SDK1: variants seen among roughly 807,000 people sequenced by gnomAD.
SDK1 encodes sidekick cell adhesion molecule 1.
SDK1 carries 157 observed loss-of-function variants against 245.5 expected under a neutral mutation model. The observed-to-expected ratio is 0.64, with a 90% CI of 0.56 to 0.73. The LOEUF is 0.73. SDK1 is among the 30% of genes least tolerant of loss of function. The pLI is 0.00. For missense variants in SDK1, 3,583 were observed against 3,002.3 expected (o/e 1.19, Z -4.52); for synonymous variants, 1,647 against 1,278.5 (o/e 1.29, Z -6.15).
intron 25 of SDK1, among the ~76,000 whole-genome samples, chr7:4,123,150 G>C (rs1784176194): frequency 1.3e-5 from 2 of 152,186 alleles, no homozygotes. Flanking sequence ...GGCACTCACA[G>C]TTTCCCACAG....
At chr7:3,787,009 G>C (rs1296931453) in intron 4 of SDK1, among the ~76,000 whole-genome samples, 1 of 152,112 alleles carries the variant, frequency 6.6e-6, no homozygotes, top group Non-Finnish European at 1.5e-5. Flanking sequence ...AGAATTGATA[G>C]ACATCTTTCC....
chr7:3,305,213 G>A (rs1038117223), intron 1 of SDK1, among the ~76,000 whole-genome samples: 8 of 152,148 alleles, frequency 5.3e-5, no homozygotes, highest in African/African-American at 1.7e-4. Context: ...GGTGTACATC[G>A]GAATCACTGG....
chr7:4,231,808 A>G (rs1339334219), intron 40 of SDK1, among the ~76,000 whole-genome samples: 1 of 152,200 alleles, frequency 6.6e-6, no homozygotes, highest in Admixed American at 6.5e-5. Flanking sequence ...CTGCCTATTT[A>G]CTGTTGGGCT....
intron 8 of SDK1, among the ~76,000 whole-genome samples, chr7:3,959,924 A>G (rs1781546335): frequency 6.6e-6 from 1 of 152,118 alleles, no homozygotes; most frequent in Non-Finnish European, 1.5e-5. Context: ...ACAGGTGATT[A>G]CACAAAACCT....
At position 3,814,551 on chromosome 7, in the gene SDK1, C is replaced by T. The variant is rs921494483; in HGVS notation, c.714-6899C>T. Among the ~76,000 whole-genome samples, 173 of 151,804 alleles carry T rather than the reference C, an allele frequency of 1.1e-3. 1 individual carries two copies. The highest frequency in any genetic ancestry group is 3.9e-3 in the African/African-American group (161 of 41,356). ...TAGTTTGAAGTCAGGTAGTGTGATG[C>T]CTCCAGCTTTGTTCTTTTGGCTTAG... is the stretch of plus-strand genomic sequence containing the variant. On this transcript the variant is annotated intron_variant, in intron 4 of 44. Transcript: ENST00000404826.
intron 4 of SDK1, among the ~76,000 whole-genome samples, chr7:3,725,201 C>T (rs1339443476): frequency 1.3e-5 from 2 of 152,288 alleles, no homozygotes; most frequent in Admixed American, 1.3e-4. Context: ...AATCTGCCCT[C>T]ATTTGTACTA....
At chr7:3,347,891 T>C (rs945804795) in intron 1 of SDK1, among the ~76,000 whole-genome samples, 5 of 94,342 alleles carry the variant, frequency 5.3e-5, no homozygotes, top group African/African-American at 1.9e-4. Flanking sequence ...ACATTAAATA[T>C]GTTTTTTTTT....
chr7:3,738,175 T>C (rs928110529), intron 4 of SDK1, among the ~76,000 whole-genome samples: 5 of 152,240 alleles, frequency 3.3e-5, no homozygotes, highest in African/African-American at 1.2e-4. Context: ...GTGCTTTCAA[T>C]TTTAGGTCTT....
At chr7:3,996,533 A>G (rs1310129958) in intron 14 of SDK1, among the ~76,000 whole-genome samples, 3 of 152,106 alleles carry the variant, frequency 2.0e-5, no homozygotes, top group African/African-American at 7.2e-5. Flanking sequence ...CTGTTTAGTG[A>G]GGTTTGCAAG....
At chr7:4,094,713 C>T (rs908289529) in intron 22 of SDK1, among the ~76,000 whole-genome samples, 7 of 152,192 alleles carry the variant, frequency 4.6e-5, no homozygotes, top group Non-Finnish European at 1.0e-4. Context: ...CCATTGACAT[C>T]GGGATTGCAG....
At chr7:3,660,372 T>G (rs919324380) in intron 4 of SDK1, among the ~76,000 whole-genome samples, 3 of 151,116 alleles carry the variant, frequency 2.0e-5, no homozygotes, top group African/African-American at 4.9e-5. Context: ...CAACAGGACT[T>G]GAATTCCAGC....
At chr7:3,940,508 G>A (rs1047324153) in intron 5 of SDK1, among the ~76,000 whole-genome samples, 3 of 152,132 alleles carry the variant, frequency 2.0e-5, no homozygotes, top group East Asian at 3.9e-4. Context: ...CCTGGCCATC[G>A]TTCTCACTGT....
chr7:4,144,787 C>G (rs929109604), intron 28 of SDK1, among the ~76,000 whole-genome samples: 2 of 152,186 alleles, frequency 1.3e-5, no homozygotes, highest in Non-Finnish European at 2.9e-5. Flanking sequence ...GAAGAGGCAG[C>G]ACTGATGAGA....
At chr7:3,433,236 T>G (rs574456872) in intron 1 of SDK1, among the ~76,000 whole-genome samples, 1 of 152,270 alleles carries the variant, frequency 6.6e-6, no homozygotes, top group East Asian at 1.9e-4. Flanking sequence ...GCCTCAACCC[T>G]CTAGTTTCAA....
chr7:3,732,091 T>C (rs560783304), intron 4 of SDK1, among the ~76,000 whole-genome samples: 40 of 152,176 alleles, frequency 2.6e-4, no homozygotes, highest in Non-Finnish European at 1.0e-4. Flanking sequence ...CACCCAGCAG[T>C]AATTTTATTT....
At position 4,127,425 on chromosome 7, in the gene SDK1, T is replaced by A; in HGVS notation, c.3868T>A (p.Ser1290Thr). 1.2e-6 allele frequency: 2 copies of A among 1,614,180 alleles called. 1 individual carries two copies. Among genetic ancestry groups the A allele is most frequent in the Non-Finnish European group, 1.7e-6 (2 of 1,180,016 alleles). The change falls in exon 26 of 45, where the codon TCG (serine) becomes ACG (threonine). Residue 1290 changes from serine to threonine, a missense_variant. Transcript: ENST00000404826. ...GAACGTGTCAGCCGAGGCTGTCAGC[T>A]CGACCCAGATTTTACTGACATGGAC... is the stretch of plus-strand genomic sequence containing the variant. ...PENVSAEAVS[S>T]TQILLTWTSV...
At chr7:3,605,597 A>T (rs1239001101) in intron 1 of SDK1, among the ~76,000 whole-genome samples, 1 of 152,220 alleles carries the variant, frequency 6.6e-6, no homozygotes, top group African/African-American at 2.4e-5. Context: ...TCTCTTGAAT[A>T]ATAGAAATGT....
At chr7:3,587,030 G>A (rs1780713366) in intron 1 of SDK1, among the ~76,000 whole-genome samples, 2 of 152,206 alleles carry the variant, frequency 1.3e-5, no homozygotes, top group Admixed American at 1.3e-4. Context: ...AGGACCCTGG[G>A]CACAGTGCAG....
intron 4 of SDK1, among the ~76,000 whole-genome samples, chr7:3,676,995 T>C (rs960382528): frequency 6.6e-6 from 1 of 152,234 alleles, no homozygotes; most frequent in Non-Finnish European, 1.5e-5. Context: ...TACCTACTTC[T>C]GTTCCCTGGA....
Sources: allele counts gnomAD v4.1 joint callset (sites outside exome capture counted in the v4.1 genomes callset), GRCh38; gene constraint gnomAD v4.1.1; transcripts MANE v1.5; gene names NCBI Gene and HGNC (gene_info 2026-07-23, HGNC 2026-07-21).